The following TM2D1 variants were observed in gnomAD, a reference collection of about 807,000 sequenced individuals.
TM2D1 encodes TM2 domain-containing protein 1.
In TM2D1, 15 loss-of-function variants were observed where a neutral mutation model predicts 28.4. The observed-to-expected ratio is 0.53, with a 90% CI of 0.35 to 0.81. The LOEUF is 0.81. Among genes scored for constraint, TM2D1 ranks in the 40% least tolerant of loss-of-function variants. The probability of loss-of-function intolerance (pLI) is 0.01; values close to 1 mark genes in which losing one functional copy is unlikely to be tolerated. For synonymous variants in TM2D1, 93 were observed against 96.2 expected (o/e 0.97, Z 0.20); for missense variants, 236 against 254.9 (o/e 0.93, Z 0.50).
At chr1:61,702,016 A>G (rs1388318878) in intron 3 of TM2D1, among the ~76,000 whole-genome samples, 1 of 151,874 alleles carries the variant, frequency 6.6e-6, no homozygotes, top group African/African-American at 2.4e-5. Flanking sequence ...AGAGTGAAAC[A>G]CAGTCTCTAC....
At position 61,719,375 on chromosome 1, in the gene TM2D1, A is replaced by G. The variant is rs80302919; in HGVS notation, c.238+4338T>C. Among the ~76,000 whole-genome samples, 189 of 151,764 alleles carry G rather than the reference A, an allele frequency of 1.2e-3. 3 individuals carry two copies. In the East Asian group the frequency reaches 0.031, roughly 25 times the overall value. ...TGGAACATCTCTACAGAAAAACACA[A>G]AAGTATTTCTAGTGGCAGAAAAAAG... On this transcript the variant is annotated intron_variant, in intron 2 of 6. Transcript: ENST00000606498.
chr1:61,716,008 T>A (rs1209627024), intron 2 of TM2D1, among the ~76,000 whole-genome samples: 1 of 151,570 alleles, frequency 6.6e-6, no homozygotes, highest in East Asian at 2.0e-4. Flanking sequence ...GGTTTCACCA[T>A]GTTAGCCAGG....
chr1:61,712,229 A>G (rs867356081), intron 2 of TM2D1, among the ~76,000 whole-genome samples: 1 of 152,180 alleles, frequency 6.6e-6, no homozygotes, highest in Non-Finnish European at 1.5e-5. Context: ...TACCCAGTCC[A>G]AAAAATCAAT....
intron 1 of TM2D1, among the ~76,000 whole-genome samples, chr1:61,724,644 C>T (rs17122707): frequency 0.041 from 6,293 of 152,000 alleles, 442 homozygotes; most frequent in African/African-American, 0.14. Context: ...GTGTCTAGAA[C>T]GGGGCCTGGC....
In TM2D1 at chr1:61,709,426, GA is replaced by G. The variant is rs766752842; in HGVS notation, c.249del (p.Pro84GlnfsTer5). ...CTNYTAHVSC[F>X]PAPNITCKDS... Reference sequence around the variant, plus strand: ...TCCTTACAAGTTATGTTGGGTGCTGGAAAACAGGAAACTGAAGGCAGAAAAA... The same window carrying G: ...TCCTTACAAGTTATGTTGGGTGCTGGAAACAGGAAACTGAAGGCAGAAAAA... On this transcript the variant is annotated frameshift_variant, in exon 3 of 7. Transcript: ENST00000606498. LOFTEE classifies it high-confidence loss of function. The G allele has an allele frequency of 2.5e-6, 4 of 1,607,748 alleles. No homozygotes were observed. Among genetic ancestry groups the G allele is most frequent in the Non-Finnish European group, 3.4e-6 (4 of 1,175,856 alleles).
intron 5 of TM2D1, among the ~76,000 whole-genome samples, chr1:61,691,935 A>ATATATATATATATATATATATG (rs1644329931): frequency 6.6e-5 from 5 of 75,740 alleles, no homozygotes; most frequent in Admixed American, 2.8e-4. Flanking sequence ...AAAAAAAAAT[A>ATATATATATATATATATATATG]TATATATATA....
intron 2 of TM2D1, among the ~76,000 whole-genome samples, chr1:61,713,469 AC>A (rs1450096701): frequency 3.0e-5 from 3 of 100,256 alleles, no homozygotes; most frequent in Non-Finnish European, 5.8e-5. Flanking sequence ...AGAGGACAAG[AC>A]CCCCCGCAAC....
intron 4 of TM2D1, among the ~76,000 whole-genome samples, chr1:61,696,409 T>C (rs1012529077): frequency 1.3e-5 from 2 of 151,966 alleles, no homozygotes; most frequent in African/African-American, 4.8e-5. Context: ...CATGGTGGCA[T>C]ACGCCTGTGA....
chr1:61,683,951 C>T (rs1466402692), intron 5 of TM2D1: 1 of 156,644 alleles, frequency 6.4e-6, no homozygotes, highest in East Asian at 1.9e-4. Flanking sequence ...TATACCAATT[C>T]CAGGGAAAGA....
intron 6 of TM2D1, among the ~76,000 whole-genome samples, chr1:61,682,487 G>C (rs1413306250): frequency 6.6e-6 from 1 of 152,162 alleles, no homozygotes; most frequent in Non-Finnish European, 1.5e-5. Context: ...TATTAGAATA[G>C]ACTAATGTAT....
At chr1:61,705,003 TG>T (rs1393167968) in intron 3 of TM2D1, among the ~76,000 whole-genome samples, 1 of 152,212 alleles carries the variant, frequency 6.6e-6, no homozygotes, top group Non-Finnish European at 1.5e-5. Context: ...CAAAGACTGC[TG>T]GTGAATATCA....
chr1:61,686,951 C>T (rs983242663), intron 5 of TM2D1: 4 of 984,518 alleles, frequency 4.1e-6, no homozygotes, highest in South Asian at 9.4e-5. Flanking sequence ...TACCCCAATA[C>T]TGGGAATTTT....
intron 5 of TM2D1, among the ~76,000 whole-genome samples, chr1:61,689,904 C>T (rs1052118673): frequency 6.6e-6 from 1 of 152,100 alleles, no homozygotes; most frequent in Non-Finnish European, 1.5e-5. Flanking sequence ...GTTTGTGTCC[C>T]TACAAAATTC....
At chr1:61,715,285 T>C (rs1276943756) in intron 2 of TM2D1, among the ~76,000 whole-genome samples, 1 of 152,142 alleles carries the variant, frequency 6.6e-6, no homozygotes, top group East Asian at 1.9e-4. Flanking sequence ...ACTAGCATGT[T>C]CCTTCAAGAA....
intron 5 of TM2D1, among the ~76,000 whole-genome samples, chr1:61,689,221 G>C (rs1338212205): frequency 6.6e-6 from 1 of 152,126 alleles, no homozygotes; most frequent in Non-Finnish European, 1.5e-5. Flanking sequence ...ACATAGACGT[G>C]ATTCCATAGC....
intron 3 of TM2D1, 82 bp from the exon 4 acceptor site, chr1:61,701,107 TGG>T: frequency 9.6e-7 from 1 of 1,041,294 alleles, no homozygotes; most frequent in Non-Finnish European, 1.4e-6. Flanking sequence ...ACTTGTTAAT[TGG>T]TTCATTCTTT....
intron 5 of TM2D1, among the ~76,000 whole-genome samples, chr1:61,691,106 C>G (rs1464873662): frequency 6.6e-6 from 1 of 152,190 alleles, no homozygotes; most frequent in Non-Finnish European, 1.5e-5. Context: ...CACATATCCT[C>G]ATCTTTCTGA....
intron 2 of TM2D1, among the ~76,000 whole-genome samples, chr1:61,718,147 A>T (rs1240035588): frequency 6.6e-6 from 1 of 152,114 alleles, no homozygotes; most frequent in African/African-American, 2.4e-5. Flanking sequence ...GTAAAACCCC[A>T]TCTCTACAAA....
chr1:61,695,482 CTGGGGGTGGGA>C (rs2148042642), intron 4 of TM2D1, among the ~76,000 whole-genome samples: 1 of 137,196 alleles, frequency 7.3e-6, no homozygotes, highest in South Asian at 2.7e-4. Context: ...TGGGGGTGGG[CTGGGGGTGGGA>C]TGATTAATCT....
Sources: gnomAD v4.1 joint callset for allele counts (sites outside exome capture counted in the v4.1 genomes callset) on GRCh38, gnomAD v4.1.1 for gene constraint, MANE v1.5 for transcripts, NCBI Gene and HGNC (gene_info 2026-07-23, HGNC 2026-07-21) for gene names.